The following ZNF385A variants were observed in gnomAD, a reference collection of about 807,000 sequenced individuals.
ZNF385A encodes zinc finger protein 385A, also known as hematopoietic zinc finger protein.
A neutral mutation model predicts 32.1 loss-of-function variants in ZNF385A; 14 were observed. That is an observed-to-expected ratio of 0.44 (90% CI 0.29 to 0.68). The LOEUF (loss-of-function observed/expected upper bound fraction) is 0.68. Ranked by LOEUF, ZNF385A falls within the 30% of genes least tolerant of loss-of-function variation. The probability of loss-of-function intolerance (pLI) is 0.14; values close to 1 mark genes in which losing one functional copy is unlikely to be tolerated. For missense variants in ZNF385A, 406 were observed against 478.4 expected, an observed-to-expected ratio of 0.85 and a Z score of 1.41; for synonymous variants, 197 against 202.7, an observed-to-expected ratio of 0.97 and a Z score of 0.24.
Position 54,370,001 on chromosome 12 carries a change from G to C in ZNF385A, c.*255C>G. The C allele has an allele frequency of 2.5e-6, 1 of 397,828 alleles. No individual in the cohort carries two copies. Among genetic ancestry groups the C allele is most frequent in the East Asian group, 3.7e-5 (1 of 27,046 alleles). 24.6% of individuals were successfully genotyped at this position (397,828 alleles called of 1,614,324 possible). ...GGGGTGTCTCCAAGGGGGCTCGGGG[G>C]TGAGACGGCCCCCCCTTTTCTAGGG... is the stretch of plus-strand genomic sequence containing the variant. On this transcript the variant is annotated 3_prime_UTR_variant, in exon 7 of 7. Coordinates refer to ENST00000394313, the MANE Select transcript of ZNF385A (RefSeq NM_015481.3). The surrounding 1 kb of genome is among the most constrained non-coding windows in gnomAD (Gnocchi z 5.5).
intron 3 of ZNF385A, among the ~76,000 whole-genome samples, chr12:54,372,493 T>C (rs1954606874): frequency 6.6e-6 from 1 of 152,160 alleles, no homozygotes; most frequent in Non-Finnish European, 1.5e-5. Flanking sequence ...TTCACCTCCA[T>C]CCCAATCCAG....
chr12:54,374,099 C>T lies in ZNF385A; in HGVS notation c.235G>A (p.Ala79Thr), dbSNP rs758847325. ...AEAHYKGNRH[A>T]RRVKGIEAAK... ...GCCTCAATGCCTTTGACTCGTCGGG[C>T]GTGGCGATTACCTTTGTAGTGCGCC... Residue 79 changes from alanine to threonine, a missense_variant, in exon 3 of 7, where the codon GCC becomes ACC. Transcript: ENST00000394313. 3.8e-6 allele frequency: 6 copies of T among 1,586,296 alleles called. No homozygotes were observed. Among genetic ancestry groups the T allele is most frequent in the Admixed American group, 1.8e-5 (1 of 56,666 alleles).
rs1021913897 is a variant in ZNF385A at position 54,384,359 on chromosome 12, C to A, written c.87+69G>T. The A allele has an allele frequency of 2.0e-6, 3 of 1,479,288 alleles. No homozygotes were observed. In the African/African-American group the frequency reaches 4.3e-5, roughly 21 times the overall value. The allele number at this position is 1,479,288 out of a possible 1,614,324, so 91.6% of individuals were successfully genotyped here. A position where few individuals can be genotyped will look rare whatever the true frequency, so the allele number is the denominator to read the frequency against. ...AGGAATTAGAAACAGAAGAAGAGGG[C>A]AGAGGTGGGTCTGAGAGAGAAAGGT... On this transcript the variant is annotated intron_variant, in intron 1 of 6. Transcript: ENST00000394313.
At position 54,370,227 on chromosome 12, in the gene ZNF385A, A is replaced by G; in HGVS notation, c.*29T>C. On this transcript the variant is annotated 3_prime_UTR_variant, in exon 7 of 7. Coordinates refer to ENST00000394313, the MANE Select transcript of ZNF385A (RefSeq NM_015481.3). The surrounding 1 kb of genome is among the most constrained non-coding windows in gnomAD (Gnocchi z 5.5). ...GCCTGGGTCCCGGCTGGAGGTGGGG[A>G]GTTGAATGGGAGGGGTTCAGGGTTG... The G allele has an allele frequency of 7.2e-7, 1 of 1,381,310 alleles. No individual in the cohort carries two copies. Among genetic ancestry groups the G allele is most frequent in the Non-Finnish European group, 9.4e-7 (1 of 1,060,698 alleles). 85.6% of individuals were successfully genotyped at this position (1,381,310 alleles called of 1,614,324 possible).
Position 54,371,588 on chromosome 12 carries a change from C to A in ZNF385A, c.489G>T (p.Pro163=). ...VTKGEGGTPA[P]ASLPGGSKEE... Reference sequence around the variant, plus strand: ...CCTTGCTACCCCCAGGCAAGGAAGCCGGGGCTGGAGTCCCCCCTTCACCCT... The same window carrying A: ...CCTTGCTACCCCCAGGCAAGGAAGCAGGGGCTGGAGTCCCCCCTTCACCCT... The change falls in exon 4 of 7, where the codon CCG becomes CCT. Residue 163 remains proline, a synonymous_variant. Coordinates refer to ENST00000394313, the MANE Select transcript of ZNF385A (RefSeq NM_015481.3). The A allele has an allele frequency of 4.3e-6, 7 of 1,613,674 alleles. No homozygotes were observed. Among genetic ancestry groups the A allele is most frequent in the Non-Finnish European group, 5.9e-6 (7 of 1,179,804 alleles).
chr12:54,386,952 C>T (rs928562959), upstream of ZNF385A, among the ~76,000 whole-genome samples: 2 of 152,216 alleles, frequency 1.3e-5, no homozygotes, highest in African/African-American at 4.8e-5. Flanking sequence ...GAAATGGAGA[C>T]TCAGAGTAGT....
rs895527980 is a variant in ZNF385A at position 54,370,483 on chromosome 12, T to C, written c.874A>G (p.Thr292Ala). ...KSRGAGELAG[T>A]LTFSKELPKS... ...GGCAGCTCCTTGGAGAAAGTCAGCG[T>C]GCCCTGAAGCGGGCGAAAGGCGGAG... Residue 292 changes from threonine to alanine, a missense_variant, in exon 7 of 7, where the codon ACG becomes GCG. By Grantham distance (58) the Thr-to-Ala change is moderately conservative. Coordinates refer to ENST00000394313, the MANE Select transcript of ZNF385A (RefSeq NM_015481.3). The surrounding 1 kb of genome is among the most constrained non-coding windows in gnomAD (Gnocchi z 5.5). 6.4e-7 allele frequency: 1 copy of C among 1,551,120 alleles called. No individual in the cohort carries two copies. The highest frequency in any genetic ancestry group is 1.4e-5 in the African/African-American group (1 of 73,020).
chr12:54,373,843 C>T, intron 3 of ZNF385A, 130 bp downstream of exon 3: 1 of 1,020,734 alleles, frequency 9.8e-7, no homozygotes, highest in Non-Finnish European at 1.3e-6. Context: ...CTCCAGGACT[C>T]ACCTTGGGTG....
intron 1 of ZNF385A, among the ~76,000 whole-genome samples, chr12:54,381,791 C>G (rs560063732): frequency 6.6e-6 from 1 of 152,176 alleles, no homozygotes; most frequent in East Asian, 1.9e-4. Context: ...AGGTTAAATC[C>G]CTTTTTCCTC....
rs531834257 is a variant in ZNF385A at position 54,378,691 on chromosome 12, G to C, written c.88-2737C>G. ...CTGAGATAGGAAAGAGAGGGAGCTA[G>C]GGGGTATCTAGAGAGCAGGTGCAAG... On this transcript the variant is annotated intron_variant, in intron 1 of 6. Transcript: ENST00000394313. Among the ~76,000 whole-genome samples the C allele has an allele frequency of 4.3e-4, 65 of 152,212 alleles. 1 individual carries two copies. The highest frequency in any genetic ancestry group is 1.5e-3 in the African/African-American group (63 of 41,540).
chr12:54,371,152 C>T (rs1954528298), intron 4 of ZNF385A, 56 bp from the exon 5 acceptor site: 5 of 1,525,146 alleles, frequency 3.3e-6, no homozygotes. Flanking sequence ...TCCAGGCCTA[C>T]TGGGCCTCAG....
At chr12:54,388,486 A>T (rs1054558041), upstream of ZNF385A, among the ~76,000 whole-genome samples, 4 of 152,208 alleles carry the variant, frequency 2.6e-5, no homozygotes, top group African/African-American at 9.7e-5. Flanking sequence ...CTGTTGTTAA[A>T]GAATGCTTAG....
rs372451032 is a variant in ZNF385A, at chr12:54,373,956, C to G, written c.361+17G>C. The G allele has an allele frequency of 1.4e-6, 2 of 1,461,916 alleles. No individual in the cohort carries two copies. Among genetic ancestry groups the G allele is most frequent in the African/African-American group, 2.8e-5 (2 of 70,642 alleles). 90.6% of individuals were successfully genotyped at this position (1,461,916 alleles called of 1,614,324 possible). ...AGACAGAGATCAGTTGAAGAATATG[C>G]GGGGATTCAGACACACCTGGACGGG... On this transcript the variant is annotated intron_variant, in intron 3 of 6. Coordinates refer to ENST00000394313, the MANE Select transcript of ZNF385A (RefSeq NM_015481.3).
chr12:54,370,446 G>T lies in ZNF385A; in HGVS notation c.911C>A (p.Ala304Glu), dbSNP rs1209143453. The change falls in exon 7 of 7, where the codon GCG (alanine) becomes GAG (glutamate). Residue 304 changes from alanine (A) to glutamate (E), a missense_variant. Ala to Glu is a moderately radical substitution (Grantham distance 107). Transcript: ENST00000394313. This position sits in a 1 kb window ranked among gnomAD's most constrained non-coding sequence, Gnocchi z 5.5. Reference sequence around the variant, plus strand: ...CAGGGGGCTGGGGAGCAGGCCGCCCGCCAGGGACTTGGGCAGCTCCTTGGA... The same window carrying T: ...CAGGGGGCTGGGGAGCAGGCCGCCCTCCAGGGACTTGGGCAGCTCCTTGGA... ...TFSKELPKSL[A>E]GGLLPSPLAV... The T allele has an allele frequency of 1.9e-6, 3 of 1,550,632 alleles. No homozygotes were observed. The highest frequency in any genetic ancestry group is 2.7e-5 in the African/African-American group (2 of 73,022).
intron 1 of ZNF385A, among the ~76,000 whole-genome samples, chr12:54,383,731 C>T (rs1484959683): frequency 3.9e-5 from 6 of 152,150 alleles, no homozygotes; most frequent in African/African-American, 1.4e-4. Flanking sequence ...CCCATCTCTA[C>T]TAAAAATACA....
At position 54,370,397 on chromosome 12, in the gene ZNF385A, C is replaced by T. The variant is rs886203284; in HGVS notation, c.960G>A (p.Ala320=). The change falls in exon 7 of 7, where the codon GCG becomes GCA. Residue 320 remains alanine, a synonymous_variant. Coordinates refer to ENST00000394313, the MANE Select transcript of ZNF385A (RefSeq NM_015481.3). The surrounding 1 kb of genome is among the most constrained non-coding windows in gnomAD (Gnocchi z 5.5). The stretch of plus-strand genomic sequence containing the variant: ...GCAGGGACAGCGGCGAGCCTGCTGC[C>T]GCTGCCATCACTGCAGCCACCGCCA... ...SPLAVAAVMA[A]AAGSPLSLRP... The T allele has an allele frequency of 2.7e-5, 42 of 1,533,308 alleles. No homozygotes were observed. Among genetic ancestry groups the T allele is most frequent in the Non-Finnish European group, 3.4e-5 (39 of 1,138,002 alleles). 95.0% of individuals were successfully genotyped at this position (1,533,308 alleles called of 1,614,324 possible). A position where few individuals can be genotyped will look rare whatever the true frequency, so the allele number is the denominator to read the frequency against.
Position 54,370,345 on chromosome 12 carries a change from G to T in ZNF385A, c.1012C>A (p.Gln338Lys). 1 of 1,503,498 alleles carries T rather than the reference G, an allele frequency of 6.7e-7. No homozygotes were observed. Among genetic ancestry groups the T allele is most frequent in the Non-Finnish European group, 8.9e-7 (1 of 1,125,130 alleles). The allele number at this position is 1,503,498 out of a possible 1,614,324, so 93.1% of individuals were successfully genotyped here. A position where few individuals can be genotyped will look rare whatever the true frequency, so the allele number is the denominator to read the frequency against. The change falls in exon 7 of 7, where the codon CAG (glutamine) becomes AAG (lysine). Residue 338 changes from glutamine to lysine, a missense_variant. Physicochemically the swap from Gln to Lys is moderately conservative, Grantham distance 53 (BLOSUM62 1). Transcript: ENST00000394313. This position sits in a 1 kb window ranked among gnomAD's most constrained non-coding sequence, Gnocchi z 5.5. Reference protein sequence around the residue: ...LRPAPAAPLLQGPPITHPLLH... With the variant: ...LRPAPAAPLLKGPPITHPLLH... ...AGAGGGTGAGTGATCGGCGGTCCCTGGAGAAGAGGTGCGGCTGGAGCCGGG... is the reference window on the plus strand; with the variant it reads ...AGAGGGTGAGTGATCGGCGGTCCCTTGAGAAGAGGTGCGGCTGGAGCCGGG...
Position 54,384,447 on chromosome 12 carries a change from A to G in ZNF385A, c.68T>C (p.Leu23Pro). ...FPLEPAPTLG[L>P]FSNYSTMDPV... The stretch of plus-strand genomic sequence containing the variant: ...ACTTACGGTGCTGTAGTTGCTGAAG[A>G]GGCCAAGGGTAGGGGCTGGCTCGAG... The change falls in exon 1 of 7, where the codon CTC (leucine) becomes CCC (proline). Residue 23 changes from leucine to proline, a missense_variant. Transcript: ENST00000394313. The G allele has an allele frequency of 6.3e-7, 1 of 1,592,622 alleles. No homozygotes were observed. The highest frequency in any genetic ancestry group is 1.1e-5 in the South Asian group (1 of 87,576).
At chr12:54,386,094 C>G (rs1955467382), upstream of ZNF385A, among the ~76,000 whole-genome samples, 1 of 151,746 alleles carries the variant, frequency 6.6e-6, no homozygotes, top group African/African-American at 2.4e-5. Flanking sequence ...GGCTTTGACC[C>G]TTAAGTAGCT....
Sources: gnomAD v4.1 joint callset for allele counts (sites outside exome capture counted in the v4.1 genomes callset) on GRCh38, gnomAD v4.1.1 for gene constraint, Gnocchi (gnomAD v3.1) non-coding constraint, MANE v1.5 for transcripts, NCBI Gene and HGNC (gene_info 2026-07-23, HGNC 2026-07-21) for gene names.